Variants in TKT observed in about 807,000 individuals in gnomAD.
The protein encoded by TKT is transketolase.
TKT carries 47 observed loss-of-function variants against 63.9 expected under a neutral mutation model. That is an observed-to-expected ratio of 0.74 (90% confidence interval 0.58 to 0.94). The LOEUF is 0.94. Ranked by LOEUF, TKT falls within the 40% of genes least tolerant of loss-of-function variation. The probability of loss-of-function intolerance (pLI) is 0.00; values close to 1 mark genes in which losing one functional copy is unlikely to be tolerated. For missense variants in TKT, 721 were observed against 846.2 expected (o/e 0.85, Z 1.84); for synonymous variants, 338 against 334.1 (o/e 1.01, Z -0.13).
At chr3:53,243,728 T>A in intron 1 of TKT, 1 of 426,594 alleles carries the variant, frequency 2.3e-6, no homozygotes, top group South Asian at 1.7e-5. Flanking sequence ...GCCACCCTAA[T>A]CCCACGCTCC....
At chr3:53,229,552 G>A in intron 8 of TKT, 116 bp from the exon 9 acceptor site, 1 of 1,214,424 alleles carries the variant, frequency 8.2e-7, no homozygotes, top group South Asian at 1.4e-5. Context: ...CATCCTTTCT[G>A]GGCTTCTGAA....
chr3:53,251,868 G>A (rs188669827), intron 1 of TKT, among the ~76,000 whole-genome samples: 9 of 152,266 alleles, frequency 5.9e-5, no homozygotes, highest in East Asian at 5.8e-4. Flanking sequence ...GGCCAGGAGC[G>A]GTGGCTCACG....
At chr3:53,247,030 A>G (rs1230358138) in intron 1 of TKT, among the ~76,000 whole-genome samples, 3 of 151,820 alleles carry the variant, frequency 2.0e-5, no homozygotes, top group Non-Finnish European at 1.5e-5. Flanking sequence ...TTATGACAAG[A>G]GTACATCATT....
rs1488128739 is a variant in TKT, at chr3:53,225,108, C to A, written c.*648G>T. 1 of 152,226 alleles carries A rather than the reference C, an allele frequency of 6.6e-6. No homozygotes were observed. Among genetic ancestry groups the A allele is most frequent in the African/African-American group, 2.4e-5 (1 of 41,454 alleles). 9.4% of individuals were successfully genotyped at this position (152,226 alleles called of 1,614,324 possible). On this transcript the variant is annotated 3_prime_UTR_variant, in exon 14 of 14. Coordinates refer to ENST00000462138, the MANE Select transcript of TKT (RefSeq NM_001064.4). ...CAAGACCCAGAAATCTGCATTTTAA[C>A]AAGTTGAGGGGGACAGTTCCACACT...
rs201022137 is a variant in TKT, at chr3:53,234,994, G to C, written c.618C>G (p.Cys206Trp). 1.1e-5 allele frequency: 17 copies of C among 1,612,624 alleles called. No individual in the cohort carries two copies. Among genetic ancestry groups the C allele is most frequent in the Non-Finnish European group, 1.4e-5 (16 of 1,179,362 alleles). ...QHQMDIYQKR[C>W]EAFGWHAIIV... ...AGCCTCGTACATACCCGAAGGCCTC[G>C]CACCGCTTCTGGTAGATGTCCATCT... The change falls in exon 5 of 14, where the codon TGC becomes TGG. Residue 206 changes from cysteine (C) to tryptophan (W), a missense_variant. Cys to Trp is a radical substitution (Grantham distance 215). Coordinates refer to ENST00000462138, the MANE Select transcript of TKT (RefSeq NM_001064.4).
At position 53,231,557 on chromosome 3, in the gene TKT, A is replaced by T. The variant is rs782243231; in HGVS notation, c.749-7T>A. The T allele has an allele frequency of 3.1e-6, 5 of 1,612,374 alleles. No individual in the cohort carries two copies. The South Asian group carries it at 5.5e-5, about 18-fold the overall frequency. On this transcript the variant is annotated splice_region_variant and splice_polypyrimidine_tract_variant and intron_variant, in intron 6 of 13. Coordinates refer to ENST00000462138, the MANE Select transcript of TKT (RefSeq NM_001064.4). ...GACTCCTTATCTTCTACCCCTGCAG[A>T]CCCAACACGGGAGGACAGAGGAATG...
rs9850314 is a variant in TKT at position 53,226,705 on chromosome 3, G to A, written c.1696+51C>T. 0.02 allele frequency: 31,598 copies of A among 1,612,776 alleles called. 4,912 individuals are homozygous for A. In the African/African-American group the frequency reaches 0.36, roughly 18 times the overall value. ...GATAGAAGAGGCACGTCCAACGCTC[G>A]GCTCTCTGGCCCTGTCCCTTGCCCA... On this transcript the variant is annotated intron_variant, in intron 13 of 13. Coordinates refer to ENST00000462138, the MANE Select transcript of TKT (RefSeq NM_001064.4).
intron 1 of TKT, among the ~76,000 whole-genome samples, chr3:53,247,357 C>CAAAA (rs71087068): frequency 3.1e-4 from 21 of 68,120 alleles, no homozygotes; most frequent in Middle Eastern, 0.014. Context: ...AACTCAGCCT[C>CAAAA]AAAAAAAAAA....
chr3:53,236,806 C>T (rs188027050), intron 4 of TKT, among the ~76,000 whole-genome samples: 35 of 152,254 alleles, frequency 2.3e-4, no homozygotes, highest in Admixed American at 2.1e-3. Flanking sequence ...GGTCAGAGGG[C>T]GTGCTGAGGT....
intron 1 of TKT, among the ~76,000 whole-genome samples, chr3:53,244,441 A>G (rs2106712942): frequency 6.6e-6 from 1 of 152,252 alleles, no homozygotes; most frequent in African/African-American, 2.4e-5. Context: ...CACAGTACCC[A>G]GGTCTCTAGC....
intron 1 of TKT, 137 bp downstream of exon 1, chr3:53,255,699 C>T: frequency 1.1e-5 from 5 of 459,358 alleles, no homozygotes; most frequent in Non-Finnish European, 1.7e-5. Flanking sequence ...CGCGCGTCTC[C>T]GCCCTCCGAC....
At chr3:53,231,811 A>C in intron 6 of TKT, 1 of 498,796 alleles carries the variant, frequency 2.0e-6, no homozygotes, top group East Asian at 3.3e-5. Context: ...AGGAGGGGCC[A>C]GACGTGGGCA....
intron 6 of TKT, 94 bp downstream of exon 6, chr3:53,233,062 A>C: frequency 9.3e-7 from 1 of 1,074,584 alleles, no homozygotes; most frequent in Non-Finnish European, 1.4e-6. Flanking sequence ...AGTGAGCAGC[A>C]AGGGCTGTTT....
In TKT at chr3:53,255,991, G is replaced by C. The variant is rs558682272; in HGVS notation, c.-49C>G. 1.5e-6 allele frequency: 2 copies of C among 1,334,446 alleles called. No homozygotes were observed. The highest frequency in any genetic ancestry group is 2.0e-6 in the Non-Finnish European group (2 of 1,002,740). 82.7% of individuals were successfully genotyped at this position (1,334,446 alleles called of 1,614,324 possible). A position where few individuals can be genotyped will look rare whatever the true frequency, so the allele number is the denominator to read the frequency against. On this transcript the variant is annotated 5_prime_UTR_variant, in exon 1 of 14. Transcript: ENST00000462138. ...GCACACGCGGACACACAGAGATAGC[G>C]GCTGCTCCCGCGGCGACAGGCGGCT...
At chr3:53,230,655 C>T (rs1553676820) in intron 7 of TKT, 34 bp from the exon 8 acceptor site, 2 of 1,612,594 alleles carry the variant, frequency 1.2e-6, no homozygotes, top group Non-Finnish European at 1.7e-6. Flanking sequence ...CTCTGGACCC[C>T]TCTGAGGGTG....
At chr3:53,249,676 G>A (rs776731081) in intron 1 of TKT, among the ~76,000 whole-genome samples, 1 of 152,112 alleles carries the variant, frequency 6.6e-6, no homozygotes, top group South Asian at 2.1e-4. Flanking sequence ...TGTAGTCCTC[G>A]GAGATTCCAC....
At chr3:53,230,643 G>A (rs1704711802) in intron 7 of TKT, 22 bp from the exon 8 acceptor site, 1 of 1,613,766 alleles carries the variant, frequency 6.2e-7, no homozygotes, top group South Asian at 1.1e-5. Context: ...AGAGTGGGAA[G>A]GCTCTGGACC....
intron 5 of TKT, chr3:53,234,706 C>T (rs1461756964): frequency 1.6e-5 from 5 of 316,290 alleles, no homozygotes; most frequent in Admixed American, 9.9e-5. Context: ...AAGAACAAAG[C>T]GAGCTGACGT....
chr3:53,241,965 C>T, intron 2 of TKT, 160 bp downstream of exon 2: 3 of 683,032 alleles, frequency 4.4e-6, no homozygotes, highest in Non-Finnish European at 7.8e-6. Context: ...TGGGTCAGCA[C>T]AGAGCAGGAC....
Sources: gnomAD v4.1 joint callset for allele counts (sites outside exome capture counted in the v4.1 genomes callset) on GRCh38, gnomAD v4.1.1 for gene constraint, MANE v1.5 for transcripts, NCBI Gene and HGNC (gene_info 2026-07-23, HGNC 2026-07-21) for gene names.